The following GPR4 variants were observed in gnomAD, a reference collection of about 807,000 sequenced individuals.
The protein encoded by GPR4 is G protein-coupled receptor 4, also known as G-prodeshotein coupled receptor 4.
In GPR4, 11 loss-of-function variants were observed where a neutral mutation model predicts 17.8. The observed-to-expected ratio is 0.62, with a 90% CI of 0.39 to 1.02. The LOEUF is 1.02. Among genes scored for constraint, GPR4 ranks in the 50% least tolerant of loss-of-function variants. The pLI is 0.00. For synonymous variants in GPR4, 219 were observed against 222.8 expected (o/e 0.98, Z 0.15); for missense variants, 364 against 495.4 (o/e 0.73, Z 2.52).
chr19:45,600,916 T>C (rs1022274969), intron 1 of GPR4, among the ~76,000 whole-genome samples: 1 of 152,200 alleles, frequency 6.6e-6, no homozygotes, highest in Non-Finnish European at 1.5e-5. Flanking sequence ...CATTCAAAGA[T>C]GTTCACATTC....
chr19:45,592,994 C>A (rs1213106077), intron 1 of GPR4, among the ~76,000 whole-genome samples: 1 of 151,466 alleles, frequency 6.6e-6, no homozygotes, highest in East Asian at 1.9e-4. Flanking sequence ...GAGTTCAAGA[C>A]CAGCCTGGGC....
chr19:45,594,066 ATATATATATATAT>A (rs1568417209), intron 1 of GPR4, among the ~76,000 whole-genome samples: 10 of 32,590 alleles, frequency 3.1e-4, no homozygotes, highest in African/African-American at 2.1e-3. Context: ...AAAAAAAAAT[ATATATATATATAT>A]ATATATATAT....
rs1209999509 is a variant in GPR4, at chr19:45,592,558, A to G, written c.-692T>C. The G allele has an allele frequency of 6.0e-6, 1 of 167,344 alleles. No individual in the cohort carries two copies. Among genetic ancestry groups the G allele is most frequent in the East Asian group, 1.9e-4 (1 of 5,202 alleles). The allele number at this position is 167,344 out of a possible 1,614,324, so 10.4% of individuals were successfully genotyped here. On this transcript the variant is annotated 5_prime_UTR_variant, in exon 2 of 2. Coordinates refer to ENST00000323040, the MANE Select transcript of GPR4 (RefSeq NM_005282.3). ...CAGGAAGGAGTCTTAGGAAACAGGA[A>G]GGAGGTGAGTAAGGTCTAGATCAGA...
intron 1 of GPR4, among the ~76,000 whole-genome samples, chr19:45,595,274 T>G (rs1412983007): frequency 8.2e-6 from 1 of 122,146 alleles, no homozygotes; most frequent in Non-Finnish European, 1.7e-5. Flanking sequence ...GAACTCCATC[T>G]CTAAATAAAT....
chr19:45,590,045 C>A lies in GPR4; in HGVS notation c.*733G>T, dbSNP rs144190382. 33 of 152,346 alleles carry A rather than the reference C, an allele frequency of 2.2e-4. No individual in the cohort carries two copies. The highest frequency in any genetic ancestry group is 3.4e-3 in the Middle Eastern group (1 of 294). 9.4% of individuals were successfully genotyped at this position (152,346 alleles called of 1,614,324 possible). ...ATCCTCAGTCTTGACTTGGAGATCGCTGTTTATCTAGAAACTTAGAATTGC... is the reference window on the plus strand; with the variant it reads ...ATCCTCAGTCTTGACTTGGAGATCGATGTTTATCTAGAAACTTAGAATTGC... On this transcript the variant is annotated 3_prime_UTR_variant, in exon 2 of 2. Coordinates refer to ENST00000323040, the MANE Select transcript of GPR4 (RefSeq NM_005282.3).
intron 1 of GPR4, among the ~76,000 whole-genome samples, chr19:45,600,856 T>A (rs1291416676): frequency 2.6e-5 from 4 of 152,172 alleles, no homozygotes; most frequent in Non-Finnish European, 4.4e-5. Flanking sequence ...ATTGGAAAGA[T>A]CTGGAATTCC....
chr19:45,591,017 T>G lies in GPR4; in HGVS notation c.850A>C (p.Ile284Leu), dbSNP rs1969986403. The G allele has an allele frequency of 6.2e-7, 1 of 1,613,852 alleles. No individual in the cohort carries two copies. Among genetic ancestry groups the G allele is most frequent in the East Asian group, 2.2e-5 (1 of 44,870 alleles). ...CCCTCGTTGACCAGGCAGTAGAGGA[T>G]GGGGTCCGCCACACAGTTGAGGCTG... ...FTSLNCVADP[I>L]LYCLVNEGAR... The change falls in exon 2 of 2, where the codon ATC becomes CTC. Residue 284 changes from isoleucine (I) to leucine (L), a missense_variant. This residue lies in a region of GPR4 where 92 missense variants were observed against 106.0 expected (regional missense o/e 0.87). Coordinates refer to ENST00000323040, the MANE Select transcript of GPR4 (RefSeq NM_005282.3). The surrounding 1 kb of genome is among the most constrained non-coding windows in gnomAD (Gnocchi z 7.6).
chr19:45,596,363 G>A (rs550785445), intron 1 of GPR4, among the ~76,000 whole-genome samples: 3 of 151,730 alleles, frequency 2.0e-5, no homozygotes, highest in South Asian at 2.1e-4. Flanking sequence ...GCGTCACCAC[G>A]CTCAGCTAAT....
Position 45,591,671 on chromosome 19 carries a change from A to C in GPR4, c.196T>G (p.Tyr66Asp). Reference sequence around the variant, plus strand: ...ACCCACAGCGGCAGCGTGCAGATGTACAGCAGGTCGGCGATGCTGAGGTTC... The same window carrying C: ...ACCCACAGCGGCAGCGTGCAGATGTCCAGCAGGTCGGCGATGCTGAGGTTC... ...LMNLSIADLL[Y>D]ICTLPLWVDY... The change falls in exon 2 of 2, where the codon TAC (tyrosine) becomes GAC (aspartate). Residue 66 changes from tyrosine to aspartate, a missense_variant. By Grantham distance (160) the Tyr-to-Asp change is radical (BLOSUM62 -3). This residue lies in a region of GPR4 where 271 missense variants were observed against 373.1 expected (regional missense o/e 0.73). Coordinates refer to ENST00000323040, the MANE Select transcript of GPR4 (RefSeq NM_005282.3). This position sits in a 1 kb window ranked among gnomAD's most constrained non-coding sequence, Gnocchi z 7.6. The C allele has an allele frequency of 5.0e-6, 8 of 1,614,018 alleles. No homozygotes were observed. Among genetic ancestry groups the C allele is most frequent in the Non-Finnish European group, 6.8e-6 (8 of 1,179,882 alleles).
intron 1 of GPR4, among the ~76,000 whole-genome samples, chr19:45,597,786 G>A (rs1188489949): frequency 6.6e-6 from 1 of 152,102 alleles, no homozygotes; most frequent in Non-Finnish European, 1.5e-5. Context: ...CATTCCCAGG[G>A]GAAGAGGTGG....
intron 1 of GPR4, among the ~76,000 whole-genome samples, chr19:45,601,236 C>T (rs1970108623): frequency 6.6e-6 from 1 of 152,200 alleles, no homozygotes; most frequent in Admixed American, 6.5e-5. Context: ...ACCGATGCCT[C>T]ACAGATATCC....
chr19:45,590,967 G>C lies in GPR4; in HGVS notation c.900C>G (p.Ala300=). ...NEGARSDVAK[A]LHNLLRFLAS... is the part of the protein sequence containing the mutation. Reference sequence around the variant, plus strand: ...CCAGAAAGCGGAGCAGGTTGTGCAGGGCCTTGGCCACATCGCTGCGGGCGC... The same window carrying C: ...CCAGAAAGCGGAGCAGGTTGTGCAGCGCCTTGGCCACATCGCTGCGGGCGC... The change falls in exon 2 of 2, where the codon GCC becomes GCG. Residue 300 remains alanine, a synonymous_variant. Coordinates refer to ENST00000323040, the MANE Select transcript of GPR4 (RefSeq NM_005282.3). 6.2e-7 allele frequency: 1 copy of C among 1,613,998 alleles called. No individual in the cohort carries two copies. The highest frequency in any genetic ancestry group is 8.5e-7 in the Non-Finnish European group (1 of 1,180,036).
chr19:45,598,983 G>A (rs764459914), intron 1 of GPR4, among the ~76,000 whole-genome samples: 2 of 152,014 alleles, frequency 1.3e-5, no homozygotes, highest in Non-Finnish European at 2.9e-5. Context: ...CCATAACCCC[G>A]TTCCCCTTCC....
At chr19:45,594,060 A>AT (rs1158430151) in intron 1 of GPR4, among the ~76,000 whole-genome samples, 13 of 47,922 alleles carry the variant, frequency 2.7e-4, no homozygotes, top group African/African-American at 6.8e-4. Flanking sequence ...AAAAAAAAAA[A>AT]AAAATATATA....
At position 45,591,442 on chromosome 19, in the gene GPR4, C is replaced by T; in HGVS notation, c.425G>A (p.Trp142Ter). The T allele has an allele frequency of 6.2e-7, 1 of 1,605,814 alleles. No homozygotes were observed. The highest frequency in any genetic ancestry group is 1.8e-5 in the Admixed American group (1 of 56,492). The change falls in exon 2 of 2, where the codon TGG becomes TAG. Residue 142 changes from tryptophan (W) to a stop codon, truncating the protein, a stop_gained. Transcript: ENST00000323040. LOFTEE classifies it high-confidence loss of function. The surrounding 1 kb of genome is among the most constrained non-coding windows in gnomAD (Gnocchi z 7.6). Reference protein sequence around the residue: ...KTAVAVSSVVWATELGANSAP... With the variant: ...KTAVAVSSVV ...CGAGTTGGCGCCCAGCTCCGTGGCC[C>T]AGACCACGGAGCTCACGGCCACGGC...
intron 1 of GPR4, among the ~76,000 whole-genome samples, chr19:45,594,093 TAA>T (rs1470381918): frequency 8.9e-6 from 1 of 112,300 alleles, no homozygotes; most frequent in Non-Finnish European, 1.8e-5. Context: ...TATATATATA[TAA>T]AATAGATGCA....
chr19:45,593,102 G>A (rs1015529367), intron 1 of GPR4, among the ~76,000 whole-genome samples: 2 of 150,716 alleles, frequency 1.3e-5, no homozygotes, highest in African/African-American at 4.9e-5. Flanking sequence ...GGAGGCTGAG[G>A]TAGGAGGATC....
At chr19:45,593,883 A>T (rs1475786560) in intron 1 of GPR4, among the ~76,000 whole-genome samples, 1 of 150,874 alleles carries the variant, frequency 6.6e-6, no homozygotes, top group Non-Finnish European at 1.5e-5. Context: ...ATTTCTTTTT[A>T]TTTATTTATT....
In GPR4 at chr19:45,591,675, C is replaced by G. The variant is rs1356643838; in HGVS notation, c.192G>C (p.Leu64=). 1 of 1,613,958 alleles carries G rather than the reference C, an allele frequency of 6.2e-7. No homozygotes were observed. The highest frequency in any genetic ancestry group is 2.2e-5 in the East Asian group (1 of 44,876). The part of the protein sequence containing the change: ...VYLMNLSIAD[L]LYICTLPLWV... ...ACAGCGGCAGCGTGCAGATGTACAG[C>G]AGGTCGGCGATGCTGAGGTTCATCA... is the stretch of plus-strand genomic sequence containing the variant. The change falls in exon 2 of 2, where the codon CTG becomes CTC. Residue 64 remains leucine, a synonymous_variant. Coordinates refer to ENST00000323040, the MANE Select transcript of GPR4 (RefSeq NM_005282.3). This position sits in a 1 kb window ranked among gnomAD's most constrained non-coding sequence, Gnocchi z 7.6.
Sources: allele counts gnomAD v4.1 joint callset (sites outside exome capture counted in the v4.1 genomes callset), GRCh38; gene constraint gnomAD v4.1.1; regional missense constraint gnomAD v4.1.1; non-coding constraint Gnocchi (gnomAD v3.1); transcripts MANE v1.5; gene names NCBI Gene and HGNC (gene_info 2026-07-23, HGNC 2026-07-21).